Variants in SCRG1 observed in about 807,000 individuals in gnomAD.
SCRG1 encodes stimulator of chondrogenesis 1.
SCRG1 carries 3 observed loss-of-function variants against 7.7 expected under a neutral mutation model. That is an observed-to-expected ratio of 0.39 (90% CI 0.18 to 1.01). The LOEUF is 1.01. Ranked by LOEUF, SCRG1 falls within the 50% of genes least tolerant of loss-of-function variation. SCRG1 has a pLI of 0.36. For missense variants in SCRG1, 110 were observed against 117.2 expected, an observed-to-expected ratio of 0.94 and a Z score of 0.28; for synonymous variants, 46 against 41.2, an observed-to-expected ratio of 1.12 and a Z score of -0.44.
At chr4:173,395,379 C>G (rs1359392900) in intron 1 of SCRG1, among the ~76,000 whole-genome samples, 3 of 152,136 alleles carry the variant, frequency 2.0e-5, no homozygotes, top group Non-Finnish European at 4.4e-5. Context: ...CTATAGAGGT[C>G]TTATGTTGTC....
upstream of SCRG1, among the ~76,000 whole-genome samples, chr4:173,400,435 T>A (rs572319031): frequency 6.6e-6 from 1 of 152,336 alleles, no homozygotes; most frequent in Admixed American, 6.5e-5. Flanking sequence ...TTGGTGAACG[T>A]TGAGTTTAAG....
chr4:173,439,689 A>G, the SCRG1 span, among the ~76,000 whole-genome samples: 7 of 152,146 alleles, frequency 4.6e-5, no homozygotes, highest in Admixed American at 3.9e-4. Context: ...TTTGGGGCAA[A>G]TACATGGAGA....
At chr4:173,454,562 T>C in the SCRG1 span, among the ~76,000 whole-genome samples, 1 of 152,218 alleles carries the variant, frequency 6.6e-6, no homozygotes. Context: ...TGAGGATTGA[T>C]TTATAGTATC....
At chr4:173,399,536 G>C (rs1018491977), upstream of SCRG1, 1 of 152,232 alleles carries the variant, frequency 6.6e-6, no homozygotes, top group Admixed American at 6.6e-5. Context: ...GAAGAGGAAA[G>C]TGGGGAATGG....
the SCRG1 span, among the ~76,000 whole-genome samples, chr4:173,433,217 TG>T: frequency 2.0e-5 from 3 of 152,174 alleles, no homozygotes; most frequent in Admixed American, 6.5e-5. Flanking sequence ...ATATGTGTGT[TG>T]GGGGGAAAGG....
the SCRG1 span, among the ~76,000 whole-genome samples, chr4:173,460,329 C>T: frequency 1.2e-4 from 19 of 152,320 alleles, no homozygotes; most frequent in African/African-American, 4.6e-4. Context: ...GAGACACCAG[C>T]TGGGGCAGCC....
the SCRG1 span, among the ~76,000 whole-genome samples, chr4:173,484,485 A>T: frequency 9.3e-5 from 4 of 42,932 alleles, no homozygotes; most frequent in Admixed American, 4.0e-4. Context: ...AATATATATT[A>T]TATACATATA....
chr4:173,402,653 C>T (rs933841490), upstream of SCRG1, among the ~76,000 whole-genome samples: 1 of 152,154 alleles, frequency 6.6e-6, no homozygotes, highest in Non-Finnish European at 1.5e-5. Flanking sequence ...CTCATGCATT[C>T]ACCCTAATTT....
the SCRG1 span, among the ~76,000 whole-genome samples, chr4:173,430,115 A>G: frequency 7.9e-5 from 12 of 152,186 alleles, no homozygotes; most frequent in African/African-American, 2.9e-4. Flanking sequence ...AGACCCTTAA[A>G]TAAAGAACTT....
At chr4:173,395,359 A>C (rs921272060) in intron 1 of SCRG1, among the ~76,000 whole-genome samples, 4 of 152,372 alleles carry the variant, frequency 2.6e-5, no homozygotes, top group Non-Finnish European at 4.4e-5. Context: ...TTTTTATTCT[A>C]GGCAAGAGCC....
intron 1 of SCRG1, among the ~76,000 whole-genome samples, chr4:173,391,927 C>T (rs1020564664): frequency 3.9e-5 from 6 of 152,146 alleles, no homozygotes; most frequent in African/African-American, 1.4e-4. Context: ...CACACAGTCA[C>T]GCACAGGCTG....
chr4:173,464,798 C>A, the SCRG1 span, among the ~76,000 whole-genome samples: 17 of 152,278 alleles, frequency 1.1e-4, no homozygotes, highest in African/African-American at 4.1e-4. Context: ...CATCCATGTT[C>A]ATCGCAGCAT....
In SCRG1 at chr4:173,385,363, A is replaced by T. The variant is rs369585186; in HGVS notation, c.*2978T>A. 1 of 152,182 alleles carries T rather than the reference A, an allele frequency of 6.6e-6. No individual in the cohort carries two copies. The highest frequency in any genetic ancestry group is 1.9e-4 in the East Asian group (1 of 5,176). The allele number at this position is 152,182 out of a possible 1,614,324, so 9.4% of individuals were successfully genotyped here. On this transcript the variant is annotated 3_prime_UTR_variant, in exon 3 of 3. Transcript: ENST00000296506. ...CAAGTGCCTGTAGTCCCAGCTACTCAGGAGGTTGAAGCACAAGTATCACTT... is the reference window on the plus strand; with the variant it reads ...CAAGTGCCTGTAGTCCCAGCTACTCTGGAGGTTGAAGCACAAGTATCACTT...
chr4:173,480,888 G>A, the SCRG1 span, among the ~76,000 whole-genome samples: 1 of 151,928 alleles, frequency 6.6e-6, no homozygotes, highest in Non-Finnish European at 1.5e-5. Flanking sequence ...AATGTATTGG[G>A]TTATGGGTAT....
At chr4:173,483,432 A>AT in the SCRG1 span, among the ~76,000 whole-genome samples, 1 of 53,676 alleles carries the variant, frequency 1.9e-5, no homozygotes, top group African/African-American at 6.7e-5. Flanking sequence ...ATGATATAGT[A>AT]TATATTATAT....
the SCRG1 span, among the ~76,000 whole-genome samples, chr4:173,438,221 T>C: frequency 6.6e-6 from 1 of 152,160 alleles, no homozygotes; most frequent in Non-Finnish European, 1.5e-5. Context: ...GCTCAGGTGA[T>C]TCTCCTACTT....
At chr4:173,469,878 C>CT in the SCRG1 span, 1 of 152,198 alleles carries the variant, frequency 6.6e-6, no homozygotes. Flanking sequence ...CTAAGACGTA[C>CT]ATCCTACCAC....
At chr4:173,468,707 T>C in the SCRG1 span, 2 of 152,202 alleles carry the variant, frequency 1.3e-5, no homozygotes, top group Non-Finnish European at 2.9e-5. Flanking sequence ...TTTTGCACCA[T>C]GGAGAGTCAA....
upstream of SCRG1, among the ~76,000 whole-genome samples, chr4:173,409,714 A>C (rs1302907822): frequency 6.7e-6 from 1 of 150,002 alleles, no homozygotes; most frequent in Non-Finnish European, 1.5e-5. Flanking sequence ...TCAGCCTCCT[A>C]AGTACCTGCG....
Sources: gnomAD v4.1 joint callset for allele counts (sites outside exome capture counted in the v4.1 genomes callset) on GRCh38, gnomAD v4.1.1 for gene constraint, MANE v1.5 for transcripts, NCBI Gene and HGNC (gene_info 2026-07-23, HGNC 2026-07-21) for gene names.